Variants in CSTPP1 observed in about 807,000 individuals in gnomAD.
CSTPP1 encodes the protein UPF0705 protein C11orf49.
the CSTPP1 span, among the ~76,000 whole-genome samples, chr11:47,057,961 A>G: frequency 6.6e-6 from 1 of 152,214 alleles, no homozygotes; most frequent in Admixed American, 6.5e-5. Context: ...TAAGAACAAA[A>G]TTCAATAATC....
the CSTPP1 span, among the ~76,000 whole-genome samples, chr11:46,969,772 TG>T: frequency 7.2e-5 from 11 of 152,228 alleles, no homozygotes; most frequent in East Asian, 1.9e-3. Flanking sequence ...ACAAACATAA[TG>T]TTTTTTTTTG....
chr11:46,957,108 C>T, the CSTPP1 span, among the ~76,000 whole-genome samples: 1 of 152,076 alleles, frequency 6.6e-6, no homozygotes, highest in Non-Finnish European at 1.5e-5. Flanking sequence ...AGTTCAAACA[C>T]ATCAGGCATC....
the CSTPP1 span, among the ~76,000 whole-genome samples, chr11:47,018,287 CTTTTTTT>C: frequency 4.0e-3 from 332 of 82,224 alleles, 1 homozygote; most frequent in African/African-American, 0.015. Flanking sequence ...GTATGTTTAG[CTTTTTTT>C]TTTTTTTTTT....
At chr11:46,945,580 A>T in the CSTPP1 span, among the ~76,000 whole-genome samples, 2 of 152,044 alleles carry the variant, frequency 1.3e-5, no homozygotes, top group Non-Finnish European at 2.9e-5. Flanking sequence ...ACGCCAGTGC[A>T]CTCCAGCCTG....
At chr11:46,983,311 A>G in the CSTPP1 span, among the ~76,000 whole-genome samples, 54 of 152,226 alleles carry the variant, frequency 3.5e-4, no homozygotes, top group Admixed American at 3.5e-3. Context: ...AGTAAGGATC[A>G]TATAGTGTTT....
At chr11:46,956,601 C>T in the CSTPP1 span, among the ~76,000 whole-genome samples, 3 of 152,202 alleles carry the variant, frequency 2.0e-5, no homozygotes, top group South Asian at 2.1e-4. Context: ...GGTAGGTTTG[C>T]GGTGATCTCA....
the CSTPP1 span, among the ~76,000 whole-genome samples, chr11:47,148,919 C>T: frequency 7.9e-5 from 12 of 152,238 alleles, no homozygotes; most frequent in South Asian, 8.3e-4. Context: ...CGGTGCAGCC[C>T]GTGCCACTAG....
chr11:47,129,198 G>A, the CSTPP1 span, among the ~76,000 whole-genome samples: 1 of 152,166 alleles, frequency 6.6e-6, no homozygotes. Context: ...CTGTCCTCCT[G>A]TTTCCAAAGA....
chr11:47,048,057 A>G, the CSTPP1 span, among the ~76,000 whole-genome samples: 3 of 152,354 alleles, frequency 2.0e-5, no homozygotes, highest in East Asian at 5.8e-4. Context: ...TGCTAGTGAG[A>G]ATGTAAAATA....
chr11:47,098,545 G>T, the CSTPP1 span, among the ~76,000 whole-genome samples: 1 of 144,522 alleles, frequency 6.9e-6, no homozygotes, highest in South Asian at 2.2e-4. Context: ...TCGCTCTGTT[G>T]CCCAGGGTGG....
the CSTPP1 span, among the ~76,000 whole-genome samples, chr11:46,976,410 CACACACACACACAGT>C: frequency 6.6e-6 from 1 of 151,660 alleles, no homozygotes; most frequent in Non-Finnish European, 1.5e-5. Flanking sequence ...CACACACACA[CACACACACACACAGT>C]ACACACACAC....
the CSTPP1 span, chr11:47,155,467 C>T: frequency 3.0e-5 from 18 of 605,258 alleles, no homozygotes; most frequent in Non-Finnish European, 5.0e-5. Context: ...TCCTCAGCCT[C>T]CTGAAGACAC....
At chr11:46,960,081 G>A in the CSTPP1 span, among the ~76,000 whole-genome samples, 1 of 152,024 alleles carries the variant, frequency 6.6e-6, no homozygotes, top group African/African-American at 2.4e-5. Flanking sequence ...TGGCCAGGCT[G>A]GTCTCGAACA....
the CSTPP1 span, among the ~76,000 whole-genome samples, chr11:47,091,082 C>T: frequency 7.5e-6 from 1 of 132,594 alleles, no homozygotes; most frequent in Non-Finnish European, 1.6e-5. Flanking sequence ...GAAATTGAGA[C>T]ATAGTGGTTA....
the CSTPP1 span, among the ~76,000 whole-genome samples, chr11:47,144,542 T>C: frequency 3.3e-5 from 5 of 152,286 alleles, no homozygotes; most frequent in African/African-American, 1.2e-4. Flanking sequence ...TAGTACCAGA[T>C]TAAAAGAAAA....
At chr11:46,966,356 G>A in the CSTPP1 span, among the ~76,000 whole-genome samples, 1 of 152,112 alleles carries the variant, frequency 6.6e-6, no homozygotes, top group South Asian at 2.1e-4. Flanking sequence ...AAGTCTTTAA[G>A]AATCGAGAAG....
the CSTPP1 span, among the ~76,000 whole-genome samples, chr11:47,153,944 T>C: frequency 6.6e-6 from 1 of 151,896 alleles, no homozygotes; most frequent in Non-Finnish European, 1.5e-5. Flanking sequence ...AAGAAAACTT[T>C]TTTTGTTTTT....
At chr11:47,013,910 G>T in the CSTPP1 span, among the ~76,000 whole-genome samples, 1 of 152,020 alleles carries the variant, frequency 6.6e-6, no homozygotes, top group African/African-American at 2.4e-5. Flanking sequence ...GTTGTTTTTT[G>T]ACTTTGTAAT....
At chr11:47,095,155 T>C in the CSTPP1 span, among the ~76,000 whole-genome samples, 1 of 152,210 alleles carries the variant, frequency 6.6e-6, no homozygotes, top group African/African-American at 2.4e-5. Context: ...GAACTTTCCA[T>C]GATTTTTTAG....
Sources: gnomAD v4.1 joint callset for allele counts (sites outside exome capture counted in the v4.1 genomes callset) on GRCh38, gnomAD v4.1.1 for gene constraint, MANE v1.5 for transcripts, NCBI Gene and HGNC (gene_info 2026-07-23, HGNC 2026-07-21) for gene names.